RAB40C: variants seen among roughly 807,000 people sequenced by gnomAD.
RAB40C encodes ras-related protein Rab-40C.
A neutral mutation model predicts 28.1 loss-of-function variants in RAB40C; 8 were observed. That is an observed-to-expected ratio of 0.28 (90% CI 0.17 to 0.51). RAB40C has a LOEUF of 0.51. Among genes scored for constraint, RAB40C ranks in the 20% least tolerant of loss-of-function variants. The probability of loss-of-function intolerance (pLI) is 0.97; values close to 1 mark genes in which losing one functional copy is unlikely to be tolerated. For synonymous variants in RAB40C, 201 were observed against 171.7 expected, an observed-to-expected ratio of 1.17 and a Z score of -1.34; for missense variants, 288 against 405.9, an observed-to-expected ratio of 0.71 and a Z score of 2.50.
Position 615,461 on chromosome 16 carries a change from A to G in RAB40C, c.143-1747A>G, listed in dbSNP as rs543876130. 5.9e-5 allele frequency among the ~76,000 whole-genome samples: 9 copies of G among 152,314 alleles called. 1 individual carries two copies. In the South Asian group the frequency reaches 1.7e-3, roughly 28 times the overall value. On this transcript the variant is annotated intron_variant, in intron 1 of 5. Coordinates refer to ENST00000248139, the MANE Select transcript of RAB40C (RefSeq NM_021168.5). ...GCCCGTTTCCAAGCCCCTTGGAGAA[A>G]GTGTCATAAAAAGACAAAACGTGAA...
chr16:617,014 T>C, intron 1 of RAB40C, 194 bp from the exon 2 acceptor site: 1 of 616,560 alleles, frequency 1.6e-6, no homozygotes, highest in Non-Finnish European at 2.9e-6. Context: ...GTGGCCCGTG[T>C]GCAGAAGTGG....
intron 5 of RAB40C, among the ~76,000 whole-genome samples, chr16:626,957 A>T (rs1266903928): frequency 2.0e-5 from 3 of 152,188 alleles, no homozygotes; most frequent in Non-Finnish European, 4.4e-5. Context: ...CAAAAGAATG[A>T]GCGAGTGCTC....
At chr16:624,614 C>T in intron 3 of RAB40C, 4 of 985,382 alleles carry the variant, frequency 4.1e-6, no homozygotes, top group Non-Finnish European at 4.8e-6. Context: ...TCAGCCTCAG[C>T]CTCTTGTGTG....
At chr16:626,998 G>A (rs888770064) in intron 5 of RAB40C, among the ~76,000 whole-genome samples, 32 of 152,220 alleles carry the variant, frequency 2.1e-4, no homozygotes, top group African/African-American at 6.7e-4. Flanking sequence ...GCGCTCCCCC[G>A]CTCTAGGGGA....
chr16:626,756 GGTGAAACCCC>G (rs2036845040), intron 5 of RAB40C, among the ~76,000 whole-genome samples: 1 of 152,140 alleles, frequency 6.6e-6, no homozygotes, highest in Admixed American at 6.5e-5. Context: ...TGGCCAACAC[GGTGAAACCCC>G]GTCTCTACTA....
At chr16:618,784 TGTG>T (rs1333838862) in intron 3 of RAB40C, among the ~76,000 whole-genome samples, 11 of 100,968 alleles carry the variant, frequency 1.1e-4, no homozygotes, top group South Asian at 3.5e-4. Context: ...TGTGTGCAGG[TGTG>T]GTGTACTTGG....
chr16:596,931 C>T (rs531248304), intron 1 of RAB40C, among the ~76,000 whole-genome samples: 109 of 152,260 alleles, frequency 7.2e-4, no homozygotes, highest in Non-Finnish European at 9.7e-4. Context: ...GCGGCTGTCT[C>T]GTGCTGAGAT....
intron 3 of RAB40C, 67 bp downstream of exon 3, chr16:618,327 AGTT>A (rs1303604044): frequency 2.7e-6 from 4 of 1,465,774 alleles, no homozygotes; most frequent in Admixed American, 2.1e-5. Context: ...TCTGAATGTG[AGTT>A]GTTGTCCTGT....
rs946056355 is a variant in RAB40C, at chr16:605,491, C to T, written c.143-11717C>T. On this transcript the variant is annotated intron_variant, in intron 1 of 5. Transcript: ENST00000248139. ...CTGCAGGCCTCTCACACTCTGCCCCCGGCCTGGCATGTCACTGTGGACTCA... is the reference window on the plus strand; with the variant it reads ...CTGCAGGCCTCTCACACTCTGCCCCTGGCCTGGCATGTCACTGTGGACTCA... Among the ~76,000 whole-genome samples the T allele has an allele frequency of 7.2e-5, 11 of 152,238 alleles. 1 individual carries two copies. The highest frequency in any genetic ancestry group is 6.5e-5 in the Admixed American group (1 of 15,290).
At chr16:626,191 G>A in intron 5 of RAB40C, 70 bp downstream of exon 5, 4 of 1,454,450 alleles carry the variant, frequency 2.8e-6, no homozygotes, top group Non-Finnish European at 2.9e-6. Context: ...TGGAGGCTGA[G>A]GGGGGCCAGG....
intron 3 of RAB40C, among the ~76,000 whole-genome samples, chr16:621,579 C>T (rs2036718035): frequency 6.6e-6 from 1 of 152,378 alleles, no homozygotes; most frequent in East Asian, 1.9e-4. Flanking sequence ...GCTCCCTAGA[C>T]TTCATGGTCG....
chr16:611,643 T>C (rs903399882), intron 1 of RAB40C, among the ~76,000 whole-genome samples: 2 of 145,398 alleles, frequency 1.4e-5, no homozygotes, highest in African/African-American at 5.1e-5. Context: ...ACAGCCGCCC[T>C]GGCCTGTAGA....
intron 3 of RAB40C, 97 bp downstream of exon 3, chr16:618,357 T>G: frequency 5.7e-6 from 7 of 1,233,622 alleles, no homozygotes; most frequent in Non-Finnish European, 6.8e-6. Flanking sequence ...CCCAAGGACT[T>G]TCTTTCTTTA....
intron 3 of RAB40C, chr16:624,698 G>A: frequency 1.0e-6 from 1 of 985,468 alleles, no homozygotes; most frequent in Non-Finnish European, 1.2e-6. Context: ...GCTGGATCTG[G>A]TTGCAGAATT....
intron 2 of RAB40C, among the ~76,000 whole-genome samples, chr16:617,535 C>T (rs918959200): frequency 6.6e-6 from 1 of 152,132 alleles, no homozygotes; most frequent in Non-Finnish European, 1.5e-5. Context: ...CCCCTTCTGT[C>T]GGCTTCACCT....
intron 3 of RAB40C, among the ~76,000 whole-genome samples, chr16:618,625 C>T (rs56197831): frequency 4.7e-5 from 7 of 150,332 alleles, no homozygotes; most frequent in South Asian, 2.1e-4. Flanking sequence ...ACAGGTCTGG[C>T]GGGGGCACTG....
intron 1 of RAB40C, among the ~76,000 whole-genome samples, chr16:605,023 A>C (rs1309336227): frequency 6.6e-6 from 1 of 151,934 alleles, no homozygotes; most frequent in African/African-American, 2.4e-5. Flanking sequence ...ATGCCACTGC[A>C]CTCCAGCCTG....
Position 627,672 on chromosome 16 carries a change from A to G in RAB40C, c.*50A>G, listed in dbSNP as rs1289319023. ...CAGATGCCAGGAGGGCTCGAGCTGG[A>G]CACTCCTGGCTGGACGCCAGGCCAG... On this transcript the variant is annotated 3_prime_UTR_variant, in exon 6 of 6. Transcript: ENST00000248139. 1.3e-6 allele frequency: 2 copies of G among 1,526,042 alleles called. No homozygotes were observed. The highest frequency in any genetic ancestry group is 2.8e-5 in the African/African-American group (2 of 72,488). 94.5% of individuals were successfully genotyped at this position (1,526,042 alleles called of 1,614,324 possible). A position where few individuals can be genotyped will look rare whatever the true frequency, so the allele number is the denominator to read the frequency against.
intron 1 of RAB40C, among the ~76,000 whole-genome samples, chr16:606,918 C>T (rs2036371801): frequency 6.6e-6 from 1 of 152,210 alleles, no homozygotes; most frequent in Non-Finnish European, 1.5e-5. Flanking sequence ...GAGTCCCATG[C>T]TAGCAACTCA....
Sources: allele counts gnomAD v4.1 joint callset (sites outside exome capture counted in the v4.1 genomes callset), GRCh38; gene constraint gnomAD v4.1.1; transcripts MANE v1.5; gene names NCBI Gene and HGNC (gene_info 2026-07-23, HGNC 2026-07-21).